Variants in FRMD5 observed in about 807,000 individuals in gnomAD.
FRMD5 encodes the protein FERM domain containing 5.
Under a neutral mutation model 69.0 loss-of-function variants are expected in FRMD5, and 20 were observed. The ratio of observed to expected loss-of-function variants is 0.29; its 90% confidence interval spans 0.20 to 0.42. The LOEUF is 0.42. Ranked by LOEUF, FRMD5 falls within the 10% of genes least tolerant of loss-of-function variation. The pLI, the probability that FRMD5 is intolerant of heterozygous loss-of-function variation, is 1.00. For missense variants in FRMD5, 595 were observed against 708.6 expected (o/e 0.84, Z 1.82); for synonymous variants, 271 against 260.1 (o/e 1.04, Z -0.40).
At chr15:43,925,509 T>C (rs935032245) in intron 1 of FRMD5, among the ~76,000 whole-genome samples, 4 of 152,340 alleles carry the variant, frequency 2.6e-5, no homozygotes, top group South Asian at 4.1e-4. Context: ...TCTAAAATTA[T>C]TTACCCAGTT....
intron 1 of FRMD5, among the ~76,000 whole-genome samples, chr15:44,090,837 C>T (rs2076461505): frequency 6.6e-6 from 1 of 152,018 alleles, no homozygotes; most frequent in Non-Finnish European, 1.5e-5. Flanking sequence ...ACTCTATGTC[C>T]CATGTTTTGA....
intron 1 of FRMD5, among the ~76,000 whole-genome samples, chr15:44,139,621 G>A (rs574967354): frequency 6.4e-4 from 97 of 150,808 alleles, no homozygotes; most frequent in Non-Finnish European, 8.6e-4. Flanking sequence ...GCCAGGCATG[G>A]TGGCTCATGC....
chr15:44,159,179 A>G (rs2077574449), intron 1 of FRMD5, among the ~76,000 whole-genome samples: 1 of 152,188 alleles, frequency 6.6e-6, no homozygotes, highest in African/African-American at 2.4e-5. Context: ...TTTGTTACAC[A>G]AATCTCTATT....
intron 2 of FRMD5, among the ~76,000 whole-genome samples, chr15:43,922,578 A>G (rs2089513016): frequency 6.6e-6 from 1 of 152,134 alleles, no homozygotes. Context: ...TGACCTAACT[A>G]AAAAACCAAT....
intron 1 of FRMD5, among the ~76,000 whole-genome samples, chr15:43,961,658 A>C (rs567286486): frequency 6.6e-6 from 1 of 152,330 alleles, no homozygotes; most frequent in East Asian, 1.9e-4. Context: ...ATCCTCAGTA[A>C]AATACTGGCA....
At chr15:44,063,561 G>C in intron 1 of FRMD5, 1 of 521,072 alleles carries the variant, frequency 1.9e-6, no homozygotes, top group Admixed American at 2.0e-5. Flanking sequence ...CTGGTCACCT[G>C]GTCACCAGGG....
intron 10 of FRMD5, 52 bp from the exon 11 acceptor site, chr15:43,885,807 G>C (rs2088649450): frequency 2.9e-6 from 4 of 1,392,512 alleles, no homozygotes; most frequent in Non-Finnish European, 4.1e-6. Context: ...GCCTCACACA[G>C]GTTAAGGCAG....
At chr15:44,114,619 T>C (rs1402046655) in intron 1 of FRMD5, among the ~76,000 whole-genome samples, 1 of 152,242 alleles carries the variant, frequency 6.6e-6, no homozygotes, top group Admixed American at 6.5e-5. Flanking sequence ...TTTGACTCTA[T>C]ACTTCTGCTT....
intron 1 of FRMD5, among the ~76,000 whole-genome samples, chr15:44,118,037 A>G (rs1040607170): frequency 7.2e-6 from 1 of 138,266 alleles, no homozygotes; most frequent in East Asian, 2.0e-4. Flanking sequence ...TTACAGGGAG[A>G]AACATTTCAA....
chr15:43,897,377 C>CT (rs1434373043), intron 7 of FRMD5, among the ~76,000 whole-genome samples: 4 of 148,926 alleles, frequency 2.7e-5, no homozygotes, highest in African/African-American at 9.9e-5. Context: ...ATCTCAGCTA[C>CT]TTGGGAGGCT....
chr15:43,886,464 T>G (rs982136729), intron 10 of FRMD5, among the ~76,000 whole-genome samples: 16 of 152,156 alleles, frequency 1.1e-4, no homozygotes, highest in Admixed American at 1.3e-4. Context: ...GATGTGGAGC[T>G]CTGTAATACT....
At chr15:43,960,183 G>A (rs961891477) in intron 1 of FRMD5, among the ~76,000 whole-genome samples, 2 of 152,182 alleles carry the variant, frequency 1.3e-5, no homozygotes, top group Non-Finnish European at 1.5e-5. Context: ...CCGCCTCTAG[G>A]GTTCATGCCA....
At chr15:44,165,170 G>C (rs1268873235) in intron 1 of FRMD5, among the ~76,000 whole-genome samples, 1 of 152,224 alleles carries the variant, frequency 6.6e-6, no homozygotes. Flanking sequence ...TGTAATTCCA[G>C]CACTTTGGGA....
chr15:44,175,535 C>T (rs1422642675), intron 1 of FRMD5, among the ~76,000 whole-genome samples: 1 of 152,086 alleles, frequency 6.6e-6, no homozygotes, highest in Non-Finnish European at 1.5e-5. Context: ...ATGATATAGC[C>T]ACTTTGGAAA....
rs548384472 is a variant in FRMD5 at position 43,929,111 on chromosome 15, A to G, written c.103-4802T>C. Among the ~76,000 whole-genome samples, 74 of 152,266 alleles carry G rather than the reference A, an allele frequency of 4.9e-4. 1 individual carries two copies. The highest frequency in any genetic ancestry group is 1.7e-3 in the African/African-American group (70 of 41,548). ...ACAGAATGATTCATGAGCCTCTTGG[A>G]ATCACTGTGCAGCTCTGAGGGTGGG... On this transcript the variant is annotated intron_variant, in intron 1 of 13. Coordinates refer to ENST00000417257, the MANE Select transcript of FRMD5 (RefSeq NM_032892.5).
intron 8 of FRMD5, among the ~76,000 whole-genome samples, chr15:43,890,920 C>A (rs1238876905): frequency 6.6e-6 from 1 of 152,158 alleles, no homozygotes; most frequent in Non-Finnish European, 1.5e-5. Context: ...GAGGGCACAG[C>A]GGGATAGATG....
intron 1 of FRMD5, among the ~76,000 whole-genome samples, chr15:44,192,222 A>G (rs1175102373): frequency 6.6e-6 from 1 of 152,140 alleles, no homozygotes; most frequent in Non-Finnish European, 1.5e-5. Flanking sequence ...TAAATGCCAG[A>G]TCGGAATAAA....
intron 4 of FRMD5, among the ~76,000 whole-genome samples, chr15:43,910,601 T>C (rs76078086): frequency 1.1e-5 from 1 of 92,640 alleles, no homozygotes; most frequent in African/African-American, 7.0e-5. Context: ...AAAAAAAAAA[T>C]TGCAACAAGA....
chr15:43,889,289 GA>G (rs1472140100), intron 8 of FRMD5, among the ~76,000 whole-genome samples: 1 of 152,202 alleles, frequency 6.6e-6, no homozygotes, highest in Non-Finnish European at 1.5e-5. Flanking sequence ...AGCAAATAAT[GA>G]GAAACAATGC....
Sources: gnomAD v4.1 joint callset for allele counts (sites outside exome capture counted in the v4.1 genomes callset) on GRCh38, gnomAD v4.1.1 for gene constraint, MANE v1.5 for transcripts, NCBI Gene and HGNC (gene_info 2026-07-23, HGNC 2026-07-21) for gene names.